The following FAT3 variants were observed in gnomAD, a reference collection of about 807,000 sequenced individuals.
The protein encoded by FAT3 is FAT atypical cadherin 3, also known as protocadherin Fat 3.
In FAT3, 95 loss-of-function variants were observed where a neutral mutation model predicts 310.2. The observed-to-expected ratio is 0.31, with a 90% CI of 0.26 to 0.36. The LOEUF (loss-of-function observed/expected upper bound fraction) is 0.36. FAT3 is among the 10% of genes least tolerant of loss of function. The probability of loss-of-function intolerance (pLI) is 1.00; values close to 1 mark genes in which losing one functional copy is unlikely to be tolerated. For missense variants in FAT3, 5,408 were observed against 5,715.6 expected, an observed-to-expected ratio of 0.95 and a Z score of 1.74; for synonymous variants, 2,314 against 2,192.9, an observed-to-expected ratio of 1.06 and a Z score of -1.54.
At chr11:92,663,648 G>C (rs1212727956) in intron 3 of FAT3, among the ~76,000 whole-genome samples, 1 of 152,158 alleles carries the variant, frequency 6.6e-6, no homozygotes, top group Non-Finnish European at 1.5e-5. Flanking sequence ...ATTAAAAAAA[G>C]TTATCGCCCT....
chr11:92,699,939 G>T (rs1400416266), intron 4 of FAT3, among the ~76,000 whole-genome samples: 1 of 152,124 alleles, frequency 6.6e-6, no homozygotes, highest in East Asian at 1.9e-4. Context: ...TCCAGGAAAG[G>T]TAGAAGCTCC....
chr11:92,306,489 TTTATA>T (rs1332235277), intron 1 of FAT3, among the ~76,000 whole-genome samples: 1 of 132,608 alleles, frequency 7.5e-6, no homozygotes, highest in African/African-American at 2.9e-5. Context: ...TATATATATA[TTTATA>T]TTATATATGT....
intron 1 of FAT3, among the ~76,000 whole-genome samples, chr11:92,335,741 A>C (rs1948055010): frequency 6.6e-6 from 1 of 152,192 alleles, no homozygotes; most frequent in African/African-American, 2.4e-5. Flanking sequence ...GTCTAGGATC[A>C]AGGGGACACT....
intron 1 of FAT3, among the ~76,000 whole-genome samples, chr11:92,233,829 GT>G (rs1864294431): frequency 6.6e-6 from 1 of 152,170 alleles, no homozygotes; most frequent in African/African-American, 2.4e-5. Flanking sequence ...ATTTGGAAGT[GT>G]ACATTTTGTA....
intron 2 of FAT3, among the ~76,000 whole-genome samples, chr11:92,387,108 G>A (rs2134791613): frequency 7.2e-6 from 1 of 137,944 alleles, no homozygotes; most frequent in African/African-American, 2.7e-5. Context: ...GTGTGTGTGT[G>A]TGTAACAGAG....
intron 3 of FAT3, among the ~76,000 whole-genome samples, chr11:92,634,343 A>T (rs963392102): frequency 6.6e-6 from 1 of 152,084 alleles, no homozygotes; most frequent in Non-Finnish European, 1.5e-5. Context: ...TCAGTAGAAA[A>T]ATTTGTATTG....
At chr11:92,719,002 A>T (rs1363022623) in intron 4 of FAT3, among the ~76,000 whole-genome samples, 1 of 152,172 alleles carries the variant, frequency 6.6e-6, no homozygotes, top group Non-Finnish European at 1.5e-5. Flanking sequence ...AAGTCCCATC[A>T]CCAGAACACC....
At chr11:92,842,193 A>T (rs1948570847) in intron 18 of FAT3, among the ~76,000 whole-genome samples, 2 of 152,260 alleles carry the variant, frequency 1.3e-5, no homozygotes, top group South Asian at 4.1e-4. Context: ...GATCACTGCC[A>T]TAAAGTAAAA....
rs898514816 is a variant in FAT3 at position 92,801,199 on chromosome 11, C to T, written c.8186C>T (p.Thr2729Ile). 6 of 1,613,788 alleles carry T rather than the reference C, an allele frequency of 3.7e-6. No homozygotes were observed. The highest frequency in any genetic ancestry group is 4.2e-6 in the Non-Finnish European group (5 of 1,179,838). Reference protein sequence around the residue: ...EDTAIGSTVDTLRILPSQNVW... With the variant: ...EDTAIGSTVDILRILPSQNVW... The stretch of plus-strand genomic sequence containing the variant: ...ACAGCCATTGGGAGTACAGTGGACA[C>T]CCTGAGGATTTTGCCCAGTCAGAAT... The change falls in exon 10 of 28, where the codon ACC becomes ATC. Residue 2729 changes from threonine to isoleucine, a missense_variant. Transcript: ENST00000525166.
intron 1 of FAT3, among the ~76,000 whole-genome samples, chr11:92,267,658 C>T (rs535659605): frequency 2.6e-5 from 4 of 151,798 alleles, no homozygotes; most frequent in Non-Finnish European, 5.9e-5. Flanking sequence ...TTTTTATATC[C>T]TCTGATTTAA....
intron 2 of FAT3, among the ~76,000 whole-genome samples, chr11:92,412,829 G>A (rs543356480): frequency 1.3e-5 from 2 of 148,424 alleles, no homozygotes; most frequent in South Asian, 4.3e-4. Context: ...AGAGAGGTAA[G>A]CAGAGATTTC....
At chr11:92,795,615 G>A (rs958437609) in intron 9 of FAT3, among the ~76,000 whole-genome samples, 2 of 152,010 alleles carry the variant, frequency 1.3e-5, no homozygotes, top group Admixed American at 6.6e-5. Flanking sequence ...GCAGGATTAT[G>A]AATTTCTACT....
chr11:92,596,766 C>G (rs1436636653), intron 3 of FAT3, among the ~76,000 whole-genome samples: 1 of 152,158 alleles, frequency 6.6e-6, no homozygotes, highest in Non-Finnish European at 1.5e-5. Context: ...GTGCTGGTTT[C>G]CTGCTTCTCT....
At chr11:92,455,552 T>C (rs1156822087) in intron 2 of FAT3, among the ~76,000 whole-genome samples, 1 of 152,166 alleles carries the variant, frequency 6.6e-6, no homozygotes, top group Admixed American at 6.5e-5. Context: ...CTGCTTCTAC[T>C]AGCTTGGTTG....
chr11:92,553,765 CTCTT>C (rs1031094506), intron 3 of FAT3, among the ~76,000 whole-genome samples: 2 of 135,728 alleles, frequency 1.5e-5, no homozygotes, highest in African/African-American at 2.6e-5. Flanking sequence ...CTCTCTTTCT[CTCTT>C]TCTTTCTCCT....
intron 2 of FAT3, among the ~76,000 whole-genome samples, chr11:92,441,477 G>A (rs780481786): frequency 1.3e-5 from 2 of 152,118 alleles, no homozygotes; most frequent in East Asian, 1.9e-4. Context: ...TTTTAGCACC[G>A]ACTGTGAATT....
At chr11:92,777,415 A>C (rs974748157) in intron 7 of FAT3, among the ~76,000 whole-genome samples, 1 of 152,130 alleles carries the variant, frequency 6.6e-6, no homozygotes, top group Non-Finnish European at 1.5e-5. Context: ...ATCTAATGAC[A>C]CACATCCTTT....
At chr11:92,705,552 G>T (rs1591629658) in intron 4 of FAT3, among the ~76,000 whole-genome samples, 2 of 144,698 alleles carry the variant, frequency 1.4e-5, no homozygotes, top group African/African-American at 5.1e-5. Context: ...TGTGATGGTG[G>T]TGGTGTGATG....
intron 3 of FAT3, among the ~76,000 whole-genome samples, chr11:92,591,800 G>A (rs1397842672): frequency 6.6e-6 from 1 of 152,102 alleles, no homozygotes; most frequent in African/African-American, 2.4e-5. Flanking sequence ...ACGAATTGTT[G>A]CAAAGAAAAA....
Sources: gnomAD v4.1 joint callset for allele counts (sites outside exome capture counted in the v4.1 genomes callset) on GRCh38, gnomAD v4.1.1 for gene constraint, MANE v1.5 for transcripts, NCBI Gene and HGNC (gene_info 2026-07-23, HGNC 2026-07-21) for gene names.